Variants in KATNIP observed in about 807,000 individuals in gnomAD.
KATNIP encodes katanin-interacting protein.
Under a neutral mutation model 174.0 loss-of-function variants are expected in KATNIP, and 126 were observed. The observed-to-expected ratio is 0.72, with a 90% CI of 0.63 to 0.84. The LOEUF (loss-of-function observed/expected upper bound fraction) is 0.84. Among genes scored for constraint, KATNIP ranks in the 40% least tolerant of loss-of-function variants. KATNIP has a pLI of 0.00. For synonymous variants in KATNIP, 810 were observed against 835.7 expected, an observed-to-expected ratio of 0.97 and a Z score of 0.53; for missense variants, 1,958 against 2,109.7, an observed-to-expected ratio of 0.93 and a Z score of 1.41.
rs1013174731 is a variant in KATNIP, at chr16:27,745,409, G to C, written c.2624-4175G>C. Among the ~76,000 whole-genome samples, 7 of 152,216 alleles carry C rather than the reference G, an allele frequency of 4.6e-5. 1 individual carries two copies. Among genetic ancestry groups the C allele is most frequent in the Admixed American group, 4.6e-4 (7 of 15,290 alleles). Reference sequence around the variant, plus strand: ...CTCACACGGCCTCACAGCCATATGAGCAGAAATGTGAGGAAATGGCCTCAC... The same window carrying C: ...CTCACACGGCCTCACAGCCATATGACCAGAAATGTGAGGAAATGGCCTCAC... On this transcript the variant is annotated intron_variant, in intron 15 of 27. Coordinates refer to ENST00000261588, the MANE Select transcript of KATNIP (RefSeq NM_015202.5).
At chr16:27,769,335 A>G in intron 20 of KATNIP, among the ~76,000 whole-genome samples, 1 of 152,220 alleles carries the variant, frequency 6.6e-6, no homozygotes, top group East Asian at 1.9e-4. Context: ...GAGAGCTCCC[A>G]GAGGGGTATT....
intron 14 of KATNIP, among the ~76,000 whole-genome samples, chr16:27,731,988 A>G (rs1406224230): frequency 6.6e-6 from 1 of 151,952 alleles, no homozygotes. Flanking sequence ...GGCAGCCATT[A>G]CTCCACATGT....
chr16:27,611,909 C>T (rs1291727531), intron 2 of KATNIP, among the ~76,000 whole-genome samples: 1 of 152,122 alleles, frequency 6.6e-6, no homozygotes, highest in Non-Finnish European at 1.5e-5. Context: ...TCAGAAGGAA[C>T]TGAAGTGAGT....
intron 6 of KATNIP, among the ~76,000 whole-genome samples, chr16:27,671,535 C>T (rs757344650): frequency 2.6e-5 from 4 of 152,172 alleles, no homozygotes; most frequent in Non-Finnish European, 5.9e-5. Context: ...CTAAAGGATA[C>T]ATTCCTGGAA....
At chr16:27,650,585 A>C (rs1466987611) in intron 6 of KATNIP, among the ~76,000 whole-genome samples, 1 of 152,154 alleles carries the variant, frequency 6.6e-6, no homozygotes, top group East Asian at 1.9e-4. Flanking sequence ...TCTTGCTTCT[A>C]CGTATCGCTT....
At chr16:27,765,222 G>A (rs2082081432) in intron 19 of KATNIP, among the ~76,000 whole-genome samples, 1 of 152,220 alleles carries the variant, frequency 6.6e-6, no homozygotes, top group Admixed American at 6.5e-5. Context: ...TGCCAGACAC[G>A]TGGGCCAGAG....
intron 6 of KATNIP, among the ~76,000 whole-genome samples, chr16:27,651,364 G>A (rs144627549): frequency 2.1e-3 from 321 of 152,030 alleles, no homozygotes; most frequent in African/African-American, 7.4e-3. Flanking sequence ...CCTGCAAAGT[G>A]TAAGAGTAAA....
At chr16:27,608,016 G>A (rs1312877595) in intron 2 of KATNIP, among the ~76,000 whole-genome samples, 1 of 152,170 alleles carries the variant, frequency 6.6e-6, no homozygotes, top group Non-Finnish European at 1.5e-5. Context: ...AACCAGCACT[G>A]CACTCTCAGC....
chr16:27,778,315 A>T (rs1175348979), intron 27 of KATNIP, among the ~76,000 whole-genome samples: 1 of 152,090 alleles, frequency 6.6e-6, no homozygotes, highest in Non-Finnish European at 1.5e-5. Flanking sequence ...GGCTTCCCGG[A>T]GGAGGTGATG....
chr16:27,691,222 C>T (rs1343459026), intron 8 of KATNIP, among the ~76,000 whole-genome samples: 1 of 152,208 alleles, frequency 6.6e-6, no homozygotes, highest in Non-Finnish European at 1.5e-5. Flanking sequence ...CTCGTGCCCT[C>T]ACGTCTTCTG....
chr16:27,768,598 G>T (rs2082196977), intron 20 of KATNIP, among the ~76,000 whole-genome samples: 1 of 152,212 alleles, frequency 6.6e-6, no homozygotes. Flanking sequence ...GAGTCATGCT[G>T]ATGGGCCCGG....
chr16:27,638,269 T>C (rs1329141819), intron 5 of KATNIP, among the ~76,000 whole-genome samples: 1 of 152,218 alleles, frequency 6.6e-6, no homozygotes, highest in Non-Finnish European at 1.5e-5. Context: ...ATGAGTCCTA[T>C]AGCTTCTTGT....
At chr16:27,683,867 A>G (rs2078433072) in intron 8 of KATNIP, among the ~76,000 whole-genome samples, 1 of 152,106 alleles carries the variant, frequency 6.6e-6, no homozygotes. Flanking sequence ...TCCTGCTGGT[A>G]CTGTCTTCAC....
At chr16:27,765,188 C>T (rs1393728499) in intron 19 of KATNIP, among the ~76,000 whole-genome samples, 3 of 152,008 alleles carry the variant, frequency 2.0e-5, no homozygotes, top group Non-Finnish European at 1.5e-5. Flanking sequence ...CCCTTTTTTC[C>T]AGGACCAGGC....
Position 27,766,412 on chromosome 16 carries a change from G to A in KATNIP, c.3913G>A (p.Glu1305Lys), listed in dbSNP as rs61730241. ...GGTCACGATCCGCCTGGACAGGGCC[G>A]AAAGCATCGCAGGCCTGCGCTTCTG... ...HVVTIRLDRA[E>K]SIAGLRFWNY... Residue 1305 changes from glutamate to lysine, a missense_variant, in exon 20 of 28, where the codon GAA (glutamate) becomes AAA (lysine). This residue lies in a region of KATNIP where 383 missense variants were observed against 456.0 expected (regional missense o/e 0.84). Coordinates refer to ENST00000261588, the MANE Select transcript of KATNIP (RefSeq NM_015202.5). 5.4e-3 allele frequency: 8,678 copies of A among 1,614,112 alleles called. 29 individuals are homozygous for A. Among genetic ancestry groups the A allele is most frequent in the Non-Finnish European group, 6.1e-3 (7,164 of 1,180,028 alleles).
At chr16:27,751,551 G>A (rs17514997) in intron 16 of KATNIP, among the ~76,000 whole-genome samples, 168 bp from the exon 17 acceptor site, 2,434 of 152,280 alleles carry the variant, frequency 0.016, 33 homozygotes, top group Non-Finnish European at 0.021. Flanking sequence ...CTTATGGTCC[G>A]TGCATTCCAT....
chr16:27,594,950 A>C (rs1037270694), intron 2 of KATNIP, among the ~76,000 whole-genome samples: 6 of 152,174 alleles, frequency 3.9e-5, no homozygotes, highest in African/African-American at 1.4e-4. Flanking sequence ...AACAATGGGG[A>C]AAAAAGAGGA....
At position 27,656,680 on chromosome 16, in the gene KATNIP, A is replaced by G. The variant is rs560281196; in HGVS notation, c.540+7945A>G. ...TGGAAATCATCATTCTCAGTAAACTATCGCAAGAACAAAAAACCAAACACC... is the reference window on the plus strand; with the variant it reads ...TGGAAATCATCATTCTCAGTAAACTGTCGCAAGAACAAAAAACCAAACACC... On this transcript the variant is annotated intron_variant, in intron 6 of 27. Transcript: ENST00000261588. Among the ~76,000 whole-genome samples the G allele has an allele frequency of 6.5e-4, 98 of 149,728 alleles. 1 individual carries two copies. The highest frequency in any genetic ancestry group is 2.3e-3 in the African/African-American group (95 of 40,764).
chr16:27,686,352 C>A (rs972539469), intron 8 of KATNIP, among the ~76,000 whole-genome samples: 8 of 152,172 alleles, frequency 5.3e-5, no homozygotes, highest in Admixed American at 2.6e-4. Context: ...GTTTCTCACT[C>A]TAGTAATGCT....
Sources: gnomAD v4.1 joint callset for allele counts (sites outside exome capture counted in the v4.1 genomes callset) on GRCh38, gnomAD v4.1.1 for gene constraint, gnomAD v4.1.1 regional missense constraint, MANE v1.5 for transcripts, NCBI Gene and HGNC (gene_info 2026-07-23, HGNC 2026-07-21) for gene names.